Variants in SLC22A15 observed in about 807,000 individuals in gnomAD.
SLC22A15 encodes flipt 1.
In SLC22A15, 45 loss-of-function variants were observed where a neutral mutation model predicts 62.7. The ratio of observed to expected loss-of-function variants is 0.72; its 90% CI spans 0.56 to 0.92. The LOEUF is 0.92. SLC22A15 is among the 40% of genes least tolerant of loss of function. SLC22A15 has a pLI of 0.00. For missense variants in SLC22A15, 622 were observed against 665.6 expected (o/e 0.93, Z 0.72); for synonymous variants, 264 against 267.0 (o/e 0.99, Z 0.11).
At chr1:116,066,921 A>G (rs1319230360) in intron 11 of SLC22A15, 98 bp from the exon 12 acceptor site, 3 of 1,035,018 alleles carry the variant, frequency 2.9e-6, no homozygotes, top group East Asian at 2.6e-5. Flanking sequence ...AATGAATGTC[A>G]TATAAATACA....
rs2101556609 is a variant in SLC22A15 at position 116,057,831 on chromosome 1, C to T, written c.1172-4931C>T. Among the ~76,000 whole-genome samples, 2 of 152,192 alleles carry T rather than the reference C, an allele frequency of 1.3e-5. 1 individual carries two copies. Among genetic ancestry groups the T allele is most frequent in the Middle Eastern group, 6.8e-3 (2 of 294 alleles). On this transcript the variant is annotated intron_variant, in intron 8 of 11. Transcript: ENST00000369503. Reference sequence around the variant, plus strand: ...GACAAAAAACCAAACACCACATGTCCTCACTCATAGATGGGAATTGAACAA... The same window carrying T: ...GACAAAAAACCAAACACCACATGTCTTCACTCATAGATGGGAATTGAACAA...
Position 116,035,246 on chromosome 1 carries a change from GTATT to G in SLC22A15, c.1008_1011del (p.Ile336MetfsTer10). The G allele has an allele frequency of 6.2e-7, 1 of 1,613,454 alleles. No individual in the cohort carries two copies. The highest frequency in any genetic ancestry group is 8.5e-7 in the Non-Finnish European group (1 of 1,179,572). Reference sequence around the variant, plus strand: ...CTGAGTGCGGGTGATCTAGGTGGAAGTATTTATGCCAACCTGGCCCTGTCTGGCC... The same window carrying G: ...CTGAGTGCGGGTGATCTAGGTGGAAGTATGCCAACCTGGCCCTGTCTGGCC... On this transcript the variant is annotated frameshift_variant, in exon 7 of 12. Coordinates refer to ENST00000369503, the MANE Select transcript of SLC22A15 (RefSeq NM_018420.3). LOFTEE classifies it high-confidence loss of function.
At chr1:116,065,896 T>C (rs1658485634) in intron 10 of SLC22A15, among the ~76,000 whole-genome samples, 1 of 152,224 alleles carries the variant, frequency 6.6e-6, no homozygotes. Flanking sequence ...ATGAAATGTT[T>C]CCGTTTTCCT....
chr1:115,992,152 A>G lies in SLC22A15; in HGVS notation c.209A>G (p.Gln70Arg). Residue 70 changes from glutamine (Q) to arginine (R), a missense_variant, in exon 2 of 12, where the codon CAG (glutamine) becomes CGG (arginine). Physicochemically the swap from Gln to Arg is conservative, Grantham distance 43. Transcript: ENST00000369503. ...SHGNQSAGEDQAFGDWLLTAN... is the reference protein window; with the variant it reads ...SHGNQSAGEDRAFGDWLLTAN... ...GGTAACCAGTCAGCTGGTGAAGACC[A>G]GGCCTTTGGGGACTGGCTCCTGACA... 6.2e-7 allele frequency: 1 copy of G among 1,613,350 alleles called. No homozygotes were observed. Among genetic ancestry groups the G allele is most frequent in the Non-Finnish European group, 8.5e-7 (1 of 1,179,602 alleles).
rs150471147 is a variant in SLC22A15, at chr1:116,031,597, C to T, written c.944+16C>T. ...TGTTCATCTGGTAATTATACTAAGG[C>T]GTGTTCTGTTGCTCTTTAACTAAGG... On this transcript the variant is annotated intron_variant, in intron 6 of 11. Coordinates refer to ENST00000369503, the MANE Select transcript of SLC22A15 (RefSeq NM_018420.3). The T allele has an allele frequency of 2.3e-5, 37 of 1,610,872 alleles. No homozygotes were observed. Among genetic ancestry groups the T allele is most frequent in the Admixed American group, 6.7e-5 (4 of 60,010 alleles).
intron 8 of SLC22A15, among the ~76,000 whole-genome samples, chr1:116,046,864 G>A (rs1557904270): frequency 6.6e-6 from 1 of 152,204 alleles, no homozygotes; most frequent in East Asian, 1.9e-4. Flanking sequence ...GGTGGAGGAA[G>A]CAGCAGGGAA....
intron 8 of SLC22A15, among the ~76,000 whole-genome samples, chr1:116,055,198 C>T (rs28795753): frequency 0.1 from 15,087 of 151,038 alleles, 898 homozygotes; most frequent in African/African-American, 0.16. Flanking sequence ...ATCAAATAGA[C>T]GCAATAAAAA....
intron 6 of SLC22A15, chr1:116,031,876 T>G: frequency 8.4e-7 from 1 of 1,187,476 alleles, no homozygotes; most frequent in Non-Finnish European, 1.0e-6. Context: ...TAAGCCTTCC[T>G]GCCCCTTCCC....
chr1:116,023,384 A>G (rs1372697024), intron 4 of SLC22A15, among the ~76,000 whole-genome samples: 2 of 152,192 alleles, frequency 1.3e-5, no homozygotes, highest in Non-Finnish European at 2.9e-5. Context: ...TCATATAACA[A>G]TTCATGTTCA....
intron 5 of SLC22A15, among the ~76,000 whole-genome samples, chr1:116,030,691 T>C (rs1360211844): frequency 6.6e-6 from 1 of 152,232 alleles, no homozygotes; most frequent in Non-Finnish European, 1.5e-5. Flanking sequence ...AAATAACTTC[T>C]ATTCTTTAAG....
intron 7 of SLC22A15, among the ~76,000 whole-genome samples, chr1:116,035,576 GAT>G (rs1339329850): frequency 6.6e-6 from 1 of 152,146 alleles, no homozygotes; most frequent in Non-Finnish European, 1.5e-5. Context: ...CGAAATCCAA[GAT>G]AGTATTGAAT....
Position 116,020,735 on chromosome 1 carries a change from A to G in SLC22A15, c.448A>G (p.Ile150Val), listed in dbSNP as rs751834581. 9.9e-6 allele frequency: 16 copies of G among 1,611,908 alleles called. No homozygotes were observed. The highest frequency in any genetic ancestry group is 3.4e-6 in the Non-Finnish European group (4 of 1,178,792). The change falls in exon 4 of 12, where the codon ATC becomes GTC. Residue 150 changes from isoleucine to valine, a missense_variant. Coordinates refer to ENST00000369503, the MANE Select transcript of SLC22A15 (RefSeq NM_018420.3). ...TCTCTTTCTAGGTTTTGCTCTTGAC[A>G]TCTTATTTGCAATTGCAAATGGATT... ...KVYLTGFALDILFAIANGFSP... is the reference protein window; with the variant it reads ...KVYLTGFALDVLFAIANGFSP...
At chr1:116,011,848 T>C (rs1570724668) in intron 2 of SLC22A15, among the ~76,000 whole-genome samples, 4 of 152,102 alleles carry the variant, frequency 2.6e-5, no homozygotes, top group Admixed American at 2.0e-4. Context: ...TTTTGGCAGG[T>C]GTCATGCTTC....
chr1:116,039,688 TAG>T (rs1471061719), intron 8 of SLC22A15, among the ~76,000 whole-genome samples: 5 of 152,208 alleles, frequency 3.3e-5, no homozygotes, highest in African/African-American at 1.2e-4. Flanking sequence ...AATTCATCAC[TAG>T]AGAGAGAATA....
At chr1:116,062,614 TA>T in intron 8 of SLC22A15, 147 bp from the exon 9 acceptor site, 1 of 877,942 alleles carries the variant, frequency 1.1e-6, no homozygotes, top group Non-Finnish European at 1.8e-6. Context: ...GTGTGATTAC[TA>T]AACCTTCTGA....
intron 2 of SLC22A15, among the ~76,000 whole-genome samples, chr1:115,992,956 T>C (rs1655229128): frequency 6.6e-6 from 1 of 152,154 alleles, no homozygotes; most frequent in Non-Finnish European, 1.5e-5. Flanking sequence ...GTCCTGTGTG[T>C]AGACCATATG....
At position 116,062,768 on chromosome 1, in the gene SLC22A15, G is replaced by T. The variant is rs145361800; in HGVS notation, c.1178G>T (p.Gly393Val). The T allele has an allele frequency of 1.1e-4, 170 of 1,613,728 alleles. 1 individual carries two copies. In the South Asian group the frequency reaches 1.8e-3, roughly 17 times the overall value. The change falls in exon 9 of 12, where the codon GGT (glycine) becomes GTT (valine). Residue 393 changes from glycine to valine, a missense_variant. Gly to Val is a moderately radical substitution (Grantham distance 109). Coordinates refer to ENST00000369503, the MANE Select transcript of SLC22A15 (RefSeq NM_018420.3). The part of the protein sequence containing the change: ...VMFLPEKKDT[G>V]VFAVVNSHSL... ...TTGCCCTTGTCCTCCTCAGACACAG[G>T]TGTGTTTGCAGTGGTGAACAGCCAT...
intron 1 of SLC22A15, among the ~76,000 whole-genome samples, chr1:115,987,247 G>C (rs1332723870): frequency 2.0e-5 from 3 of 149,470 alleles, no homozygotes; most frequent in Non-Finnish European, 4.4e-5. Context: ...CTCACTGCAA[G>C]CTCCGCCTCC....
At chr1:116,047,069 C>T (rs1657946381) in intron 8 of SLC22A15, among the ~76,000 whole-genome samples, 1 of 152,168 alleles carries the variant, frequency 6.6e-6, no homozygotes, top group Non-Finnish European at 1.5e-5. Flanking sequence ...ACTACCATAG[C>T]TGGTGCTCTC....
Sources: allele counts gnomAD v4.1 joint callset (sites outside exome capture counted in the v4.1 genomes callset), GRCh38; gene constraint gnomAD v4.1.1; transcripts MANE v1.5; gene names NCBI Gene and HGNC (gene_info 2026-07-23, HGNC 2026-07-21).